Variants in CDC27 observed in about 807,000 individuals in gnomAD.
CDC27 encodes cell division cycle 27.
Under a neutral mutation model 109.7 loss-of-function variants are expected in CDC27, and 27 were observed. The ratio of observed to expected loss-of-function variants is 0.25; its 90% CI spans 0.18 to 0.34. The LOEUF (loss-of-function observed/expected upper bound fraction) is 0.34, where lower values mean the gene tolerates loss of function less well. Among genes scored for constraint, CDC27 ranks in the 10% least tolerant of loss-of-function variants. CDC27 has a pLI of 1.00. For synonymous variants in CDC27, 266 were observed against 333.9 expected, an observed-to-expected ratio of 0.80 and a Z score of 2.22; for missense variants, 579 against 960.2, an observed-to-expected ratio of 0.60 and a Z score of 5.25.
intron 2 of CDC27, among the ~76,000 whole-genome samples, chr17:47,176,572 G>A (rs1404301278): frequency 2.6e-5 from 4 of 152,104 alleles, no homozygotes; most frequent in African/African-American, 4.8e-5. Context: ...TATATGAGGA[G>A]AAAAAAGATG....
Position 47,120,635 on chromosome 17 carries a change from C to T in CDC27, c.*300G>A, listed in dbSNP as rs2061959332. ...GGTTCCTTCAAGATAAAGCATAACT[C>T]TTCCTTTCATGATACTTTCCAACAA... On this transcript the variant is annotated 3_prime_UTR_variant, in exon 19 of 19. Transcript: ENST00000066544. The T allele has an allele frequency of 3.9e-6, 1 of 257,614 alleles. No individual in the cohort carries two copies. The highest frequency in any genetic ancestry group is 7.4e-6 in the Non-Finnish European group (1 of 134,490). 16.0% of individuals were successfully genotyped at this position (257,614 alleles called of 1,614,324 possible).
rs117745151 is a variant in CDC27, at chr17:47,180,912, A to G, written c.103+650T>C. ...TTCCAAGGCTATAGAGTCTAAATCC[A>G]TGTTCTTCACCATAGAATACAGACT... On this transcript the variant is annotated intron_variant, in intron 2 of 18. Coordinates refer to ENST00000066544, the MANE Select transcript of CDC27 (RefSeq NM_001256.6). Among the ~76,000 whole-genome samples the G allele has an allele frequency of 3.1e-3, 455 of 146,034 alleles. 3 individuals are homozygous for G. Among genetic ancestry groups the G allele is most frequent in the Non-Finnish European group, 5.6e-3 (376 of 67,192 alleles).
At chr17:47,121,117 TAA>T in intron 18 of CDC27, 100 bp from the exon 19 acceptor site, 1 of 758,966 alleles carries the variant, frequency 1.3e-6, no homozygotes, top group Non-Finnish European at 2.2e-6. Flanking sequence ...TTCAGAGAGA[TAA>T]AACCCTAAAT....
At chr17:47,154,982 A>C (rs1598494136) in intron 7 of CDC27, 196 bp from the exon 8 acceptor site, 2 of 406,518 alleles carry the variant, frequency 4.9e-6, no homozygotes, top group Middle Eastern at 6.4e-4. Flanking sequence ...TTAAAAAGCT[A>C]TCAAACAAGG....
chr17:47,156,940 G>C lies in CDC27; in HGVS notation c.815C>G (p.Pro272Arg), dbSNP rs756541507. 1 of 1,526,346 alleles carries C rather than the reference G, an allele frequency of 6.6e-7. No homozygotes were observed. The highest frequency in any genetic ancestry group is 2.3e-5 in the East Asian group (1 of 44,064). 94.6% of individuals were successfully genotyped at this position (1,526,346 alleles called of 1,614,324 possible). The change falls in exon 7 of 19, where the codon CCA becomes CGA. Residue 272 changes from proline (P) to arginine (R), a missense_variant. Pro to Arg is a moderately radical substitution (Grantham distance 103). This residue lies in a region of CDC27 where 74 missense variants were observed against 148.9 expected (regional missense o/e 0.50). Transcript: ENST00000066544. ...PKTGRSLLGGPAALSPLTPSF... is the reference protein window; with the variant it reads ...PKTGRSLLGGRAALSPLTPSF... ...TGGGGTTAATGGACTAAGAGCTGCT[G>C]GTCCTCCTAATAAACTTCGACCAGT...
At chr17:47,139,331 A>G (rs1430398707) in intron 12 of CDC27, among the ~76,000 whole-genome samples, 13 of 150,728 alleles carry the variant, frequency 8.6e-5, no homozygotes, top group Non-Finnish European at 1.8e-4. Context: ...CAGTGGCGCA[A>G]TCTCGGCTCA....
Position 47,120,868 on chromosome 17 carries a change from T to C in CDC27, c.*67A>G. On this transcript the variant is annotated 3_prime_UTR_variant, in exon 19 of 19. Transcript: ENST00000066544. Reference sequence around the variant, plus strand: ...CCAGCTCAAGAGTAAAGACTCAGTATACAGAGGGACAAGAAACACGTCAGC... The same window carrying C: ...CCAGCTCAAGAGTAAAGACTCAGTACACAGAGGGACAAGAAACACGTCAGC... The C allele has an allele frequency of 1.7e-6, 2 of 1,143,192 alleles. No individual in the cohort carries two copies. Among genetic ancestry groups the C allele is most frequent in the East Asian group, 2.4e-5 (1 of 41,592 alleles). 70.8% of individuals were successfully genotyped at this position (1,143,192 alleles called of 1,614,324 possible). A position where few individuals can be genotyped will look rare whatever the true frequency, so the allele number is the denominator to read the frequency against.
At chr17:47,156,712 T>C in intron 7 of CDC27, 1 of 361,866 alleles carries the variant, frequency 2.8e-6, no homozygotes, top group East Asian at 4.4e-5. Flanking sequence ...CCTCCCAAGG[T>C]GCTGGGATTA....
At chr17:47,146,602 C>G (rs2062965779) in intron 9 of CDC27, among the ~76,000 whole-genome samples, 1 of 152,154 alleles carries the variant, frequency 6.6e-6, no homozygotes, top group Non-Finnish European at 1.5e-5. Context: ...TCAAAGGGTA[C>G]TTCCTCAATG....
chr17:47,143,015 G>C (rs1403965067), intron 10 of CDC27, among the ~76,000 whole-genome samples: 2 of 151,210 alleles, frequency 1.3e-5, no homozygotes, highest in East Asian at 3.9e-4. Flanking sequence ...TCTGTTGCCC[G>C]TGCTGGAGTG....
chr17:47,167,970 A>G (rs1194188957), intron 4 of CDC27, among the ~76,000 whole-genome samples: 1 of 152,242 alleles, frequency 6.6e-6, no homozygotes, highest in Non-Finnish European at 1.5e-5. Context: ...TATAAAGGAT[A>G]TCACAAAGGA....
chr17:47,128,771 ATT>A (rs767267065), intron 16 of CDC27, among the ~76,000 whole-genome samples: 14 of 139,756 alleles, frequency 1.0e-4, no homozygotes, highest in Admixed American at 1.4e-4. Context: ...TTAATTTTTA[ATT>A]TTTTTTTTTT....
rs2061942680 is a variant in CDC27, at chr17:47,119,654, T to C, written c.*1281A>G. The C allele has an allele frequency of 6.6e-6, 1 of 152,210 alleles. No homozygotes were observed. Among genetic ancestry groups the C allele is most frequent in the African/African-American group, 2.4e-5 (1 of 41,462 alleles). The allele number at this position is 152,210 out of a possible 1,614,324, so 9.4% of individuals were successfully genotyped here. ...AGGAGATAAACAATTTAAGACTGTT[T>C]AAATCTGTTACTGTGGAATTCCAAT... On this transcript the variant is annotated 3_prime_UTR_variant, in exon 19 of 19. Transcript: ENST00000066544.
chr17:47,136,476 A>G (rs1457587406), intron 14 of CDC27, among the ~76,000 whole-genome samples: 1 of 152,234 alleles, frequency 6.6e-6, no homozygotes, highest in African/African-American at 2.4e-5. Context: ...TCAGAATTAT[A>G]CCTTATCTTG....
At chr17:47,154,959 CA>C (rs2063258003) in intron 7 of CDC27, 173 bp from the exon 8 acceptor site, 1 of 413,912 alleles carries the variant, frequency 2.4e-6, no homozygotes, top group Non-Finnish European at 4.3e-6. Flanking sequence ...TTCCACCCAC[CA>C]TAACTAAAAT....
At chr17:47,139,393 A>G (rs1255993009) in intron 12 of CDC27, among the ~76,000 whole-genome samples, 2 of 151,640 alleles carry the variant, frequency 1.3e-5, no homozygotes, top group African/African-American at 4.9e-5. Context: ...CAGCCTCCCA[A>G]GCAGCTGGGA....
intron 16 of CDC27, among the ~76,000 whole-genome samples, chr17:47,127,965 C>T (rs2062198365): frequency 6.6e-6 from 1 of 151,846 alleles, no homozygotes; most frequent in Non-Finnish European, 1.5e-5. Flanking sequence ...CCTCTTCCTC[C>T]AAAGTGACGG....
chr17:47,182,803 T>C (rs1428070143), intron 1 of CDC27, among the ~76,000 whole-genome samples: 1 of 152,204 alleles, frequency 6.6e-6, no homozygotes, highest in Non-Finnish European at 1.5e-5. Context: ...TTTTGTTTTG[T>C]TTTGTTTTTC....
In CDC27 at chr17:47,142,212, A is replaced by C; in HGVS notation, c.1378+17T>G. On this transcript the variant is annotated intron_variant, in intron 11 of 18. Transcript: ENST00000066544. ...CATAATAAAATACAAAGATAATATT[A>C]AGCATTTAAAACAGACCTGCTGCTG... 1 of 1,431,236 alleles carries C rather than the reference A, an allele frequency of 7.0e-7. No individual in the cohort carries two copies. Among genetic ancestry groups the C allele is most frequent in the Non-Finnish European group, 9.6e-7 (1 of 1,040,336 alleles). 88.7% of individuals were successfully genotyped at this position (1,431,236 alleles called of 1,614,324 possible).
Sources: allele counts gnomAD v4.1 joint callset (sites outside exome capture counted in the v4.1 genomes callset), GRCh38; gene constraint gnomAD v4.1.1; regional missense constraint gnomAD v4.1.1; transcripts MANE v1.5; gene names NCBI Gene and HGNC (gene_info 2026-07-23, HGNC 2026-07-21).